SLC39A10: variants seen among roughly 807,000 people sequenced by gnomAD.
SLC39A10 encodes solute carrier family 39 member 10.
Under a neutral mutation model 65.1 loss-of-function variants are expected in SLC39A10, and 13 were observed. The ratio of observed to expected loss-of-function variants is 0.20; its 90% CI spans 0.13 to 0.32. The LOEUF is 0.32. Among genes scored for constraint, SLC39A10 ranks in the 10% least tolerant of loss-of-function variants. The probability of loss-of-function intolerance (pLI) is 1.00; values close to 1 mark genes in which losing one functional copy is unlikely to be tolerated. For missense variants in SLC39A10, 831 were observed against 1,018.4 expected (o/e 0.82, Z 2.50); for synonymous variants, 321 against 342.2 (o/e 0.94, Z 0.68).
intron 2 of SLC39A10, among the ~76,000 whole-genome samples, chr2:195,643,389 C>T (rs1002664569): frequency 6.6e-6 from 1 of 152,096 alleles, no homozygotes; most frequent in East Asian, 1.9e-4. Context: ...GGATGTGTGC[C>T]CTTCTTTCAC....
intron 3 of SLC39A10, among the ~76,000 whole-genome samples, chr2:195,694,258 T>C (rs1690851526): frequency 6.6e-6 from 1 of 152,222 alleles, no homozygotes; most frequent in Admixed American, 6.5e-5. Context: ...TGCTGATGAA[T>C]AGAATGTATA....
chr2:195,706,674 G>A lies in SLC39A10; in HGVS notation c.1275G>A (p.Val425=). The A allele has an allele frequency of 6.2e-7, 1 of 1,611,026 alleles. No homozygotes were observed. Among genetic ancestry groups the A allele is most frequent in the Non-Finnish European group, 8.5e-7 (1 of 1,178,600 alleles). The change falls in exon 4 of 10, where the codon GTG becomes GTA. Residue 425 remains valine, a synonymous_variant. Coordinates refer to ENST00000359634, the MANE Select transcript of SLC39A10 (RefSeq NM_020342.3). ...TTAGCCTGCTTTCCTTGCTAGGCGT[G>A]ATCTTGGTTCCTATCATTAACCAAG... is the stretch of plus-strand genomic sequence containing the variant. The part of the protein sequence containing the change: ...TVISLLSLLG[V]ILVPIINQGC...
At chr2:195,641,117 G>A (rs577982536) in intron 2 of SLC39A10, among the ~76,000 whole-genome samples, 1 of 152,334 alleles carries the variant, frequency 6.6e-6, no homozygotes, top group Non-Finnish European at 1.5e-5. Flanking sequence ...CGGGAGATAA[G>A]TGGGCCACAA....
At chr2:195,630,830 A>T (rs1377247351) in intron 2 of SLC39A10, among the ~76,000 whole-genome samples, 2 of 152,202 alleles carry the variant, frequency 1.3e-5, no homozygotes, top group Non-Finnish European at 2.9e-5. Flanking sequence ...CCTACTAAAA[A>T]ATTCAATCTC....
intron 1 of SLC39A10, among the ~76,000 whole-genome samples, chr2:195,671,131 G>T (rs954631580): frequency 4.6e-5 from 7 of 152,050 alleles, no homozygotes; most frequent in Non-Finnish European, 7.4e-5. Flanking sequence ...ATTTAGTTCT[G>T]GTTTTAGTCT....
chr2:195,691,434 C>T (rs1293611530), intron 3 of SLC39A10, among the ~76,000 whole-genome samples: 2 of 152,162 alleles, frequency 1.3e-5, no homozygotes, highest in Non-Finnish European at 2.9e-5. Context: ...TTTAAGTAAT[C>T]TCCACACTGT....
chr2:195,707,522 A>G (rs1691449926), intron 4 of SLC39A10, among the ~76,000 whole-genome samples: 2 of 151,952 alleles, frequency 1.3e-5, no homozygotes, highest in African/African-American at 2.4e-5. Context: ...TGTGTTGTGT[A>G]TATCTCCTCT....
intron 2 of SLC39A10, among the ~76,000 whole-genome samples, chr2:195,643,710 T>C (rs1335724920): frequency 6.6e-6 from 1 of 152,230 alleles, no homozygotes; most frequent in East Asian, 1.9e-4. Context: ...GTCTCCTTCT[T>C]ACCTGTCCTC....
intron 2 of SLC39A10, among the ~76,000 whole-genome samples, chr2:195,651,084 T>G (rs1427755925): frequency 3.3e-5 from 5 of 151,928 alleles, no homozygotes; most frequent in Non-Finnish European, 5.9e-5. Context: ...AAAAATGTTT[T>G]TTTTTTTTTA....
intron 1 of SLC39A10, among the ~76,000 whole-genome samples, chr2:195,679,615 G>T (rs1006490326): frequency 1.3e-5 from 2 of 152,064 alleles, no homozygotes; most frequent in African/African-American, 4.8e-5. Flanking sequence ...ATTTCTCTCA[G>T]TAATTTTCTG....
In SLC39A10 at chr2:195,683,990, A is replaced by G. The variant is rs1690431191; in HGVS notation, c.1216+84A>G. The G allele has an allele frequency of 8.5e-6, 8 of 939,842 alleles. No individual in the cohort carries two copies. The East Asian group carries it at 2.1e-4, about 24-fold the overall frequency. 58.2% of individuals were successfully genotyped at this position (939,842 alleles called of 1,614,324 possible). On this transcript the variant is annotated intron_variant, in intron 3 of 9. Transcript: ENST00000359634. ...TATAGTTGAATTAGAAAAGAATCCT[A>G]AATTATTGACTTTCTTTTGTTGTCA... is the stretch of plus-strand genomic sequence containing the variant.
intron 5 of SLC39A10, among the ~76,000 whole-genome samples, chr2:195,710,569 G>A (rs191478165): frequency 3.9e-5 from 6 of 152,198 alleles, no homozygotes; most frequent in Admixed American, 3.9e-4. Context: ...AAACTTATTT[G>A]TGTGACTATG....
At chr2:195,693,777 GTTGT>G (rs1690836554) in intron 3 of SLC39A10, among the ~76,000 whole-genome samples, 3 of 151,906 alleles carry the variant, frequency 2.0e-5, no homozygotes, top group Admixed American at 6.6e-5. Context: ...CTTTTGTATT[GTTGT>G]TTGTTTGTTT....
Position 195,718,294 on chromosome 2 carries a change from C to G in SLC39A10, c.2108C>G (p.Ser703Cys), listed in dbSNP as rs373955616. The change falls in exon 8 of 10, where the codon TCT becomes TGT. Residue 703 changes from serine (S) to cysteine (C), a missense_variant. By Grantham distance (112) the Ser-to-Cys change is moderately radical. This residue lies in a region of SLC39A10 where 120 missense variants were observed against 203.9 expected (regional missense o/e 0.59). Coordinates refer to ENST00000359634, the MANE Select transcript of SLC39A10 (RefSeq NM_020342.3). Reference protein sequence around the residue: ...SAGLTGGISTSIAVFCHELPH... With the variant: ...SAGLTGGISTCIAVFCHELPH... ...GGATTGACAGGAGGAATCAGTACTT[C>G]TATAGCCGTCTTCTGTCATGAACTG... 4 of 1,606,962 alleles carry G rather than the reference C, an allele frequency of 2.5e-6. No homozygotes were observed. The highest frequency in any genetic ancestry group is 3.4e-6 in the Non-Finnish European group (4 of 1,175,158).
chr2:195,731,388 T>C (rs76471198), intron 9 of SLC39A10, among the ~76,000 whole-genome samples: 4,111 of 152,250 alleles, frequency 0.027, 72 homozygotes, highest in Non-Finnish European at 0.043. Context: ...ACATTTCATA[T>C]CCTCTATCCC....
chr2:195,654,635 G>A (rs985113059), upstream of SLC39A10, among the ~76,000 whole-genome samples: 2 of 152,112 alleles, frequency 1.3e-5, no homozygotes, highest in African/African-American at 4.8e-5. Flanking sequence ...TTTTATAGTT[G>A]AGATGAGCTT....
In SLC39A10 at chr2:195,713,523, T is replaced by G; in HGVS notation, c.1666T>G (p.Ser556Ala). Residue 556 changes from serine (S) to alanine (A), a missense_variant, in exon 6 of 10, where the codon TCT becomes GCT. This residue lies in a region of SLC39A10 where 230 missense variants were observed against 242.9 expected (regional missense o/e 0.95). Transcript: ENST00000359634. ...SDHKLNNTPD[S>A]DWLQLKPLAG... ...TCACAAGTTAAACAATACACCAGATTCTGACTGGCTTCAACTCAAGCCTCT... is the reference window on the plus strand; with the variant it reads ...TCACAAGTTAAACAATACACCAGATGCTGACTGGCTTCAACTCAAGCCTCT... 1 of 1,577,946 alleles carries G rather than the reference T, an allele frequency of 6.3e-7. No individual in the cohort carries two copies. The highest frequency in any genetic ancestry group is 8.5e-7 in the Non-Finnish European group (1 of 1,170,162).
At chr2:195,679,392 C>T (rs1309052919) in intron 1 of SLC39A10, among the ~76,000 whole-genome samples, 1 of 152,184 alleles carries the variant, frequency 6.6e-6, no homozygotes, top group Non-Finnish European at 1.5e-5. Flanking sequence ...GCACCAAATA[C>T]CACAGCATCT....
chr2:195,629,227 TAC>T (rs1230434548), intron 2 of SLC39A10, among the ~76,000 whole-genome samples: 1 of 151,052 alleles, frequency 6.6e-6, no homozygotes, highest in African/African-American at 2.4e-5. Context: ...TCTCTAAAAA[TAC>T]ACACACACAC....
Sources: allele counts gnomAD v4.1 joint callset (sites outside exome capture counted in the v4.1 genomes callset), GRCh38; gene constraint gnomAD v4.1.1; regional missense constraint gnomAD v4.1.1; transcripts MANE v1.5; gene names NCBI Gene and HGNC (gene_info 2026-07-23, HGNC 2026-07-21).